Variants in COL11A1 observed in about 807,000 individuals in gnomAD.
The protein encoded by COL11A1 is collagen type XI alpha 1 chain.
COL11A1 carries 74 observed loss-of-function variants against 265.2 expected under a neutral mutation model. The observed-to-expected ratio is 0.28, with a 90% CI of 0.23 to 0.34. The LOEUF (loss-of-function observed/expected upper bound fraction) is 0.34, where lower values mean the gene tolerates loss of function less well. Among genes scored for constraint, COL11A1 ranks in the 10% least tolerant of loss-of-function variants. The pLI is 1.00. For missense variants in COL11A1, 2,165 were observed against 2,263.6 expected (o/e 0.96, Z 0.88); for synonymous variants, 816 against 727.6 (o/e 1.12, Z -1.96).
chr1:102,916,064 C>T (rs1205403874), intron 49 of COL11A1, among the ~76,000 whole-genome samples: 1 of 152,034 alleles, frequency 6.6e-6, no homozygotes, highest in African/African-American at 2.4e-5. Context: ...TTGTTGTTTG[C>T]TAAAATGTAA....
chr1:102,942,161 C>T lies in COL11A1; in HGVS notation c.3277-1727G>A, dbSNP rs187384472. 8.5e-5 allele frequency among the ~76,000 whole-genome samples: 13 copies of T among 152,268 alleles called. No homozygotes were observed. The East Asian group carries it at 2.5e-3, about 29-fold the overall frequency. Reference sequence around the variant, plus strand: ...ATCAATACTCATAGGATGTGCTGTGCTATTCACAGTAAACTTCACTATATT... The same window carrying T: ...ATCAATACTCATAGGATGTGCTGTGTTATTCACAGTAAACTTCACTATATT... On this transcript the variant is annotated intron_variant, in intron 42 of 66. Coordinates refer to ENST00000370096, the MANE Select transcript of COL11A1 (RefSeq NM_001854.4).
chr1:102,884,449 C>G (rs1476260437), intron 63 of COL11A1: 2 of 152,226 alleles, frequency 1.3e-5, no homozygotes, highest in African/African-American at 4.8e-5. Flanking sequence ...GAATGGCAGT[C>G]TTCCTGTTCC....
rs141446766 is a variant in COL11A1 at position 102,922,621 on chromosome 1, G to C, written c.3654+715C>G. Among the ~76,000 whole-genome samples, 782 of 152,164 alleles carry C rather than the reference G, an allele frequency of 5.1e-3. 41 individuals carry two copies. In the East Asian group the frequency reaches 0.12, roughly 23 times the overall value. On this transcript the variant is annotated intron_variant, in intron 47 of 66. Coordinates refer to ENST00000370096, the MANE Select transcript of COL11A1 (RefSeq NM_001854.4). ...TCACCGTGTTAGCCAGGATGGTCTC[G>C]ATCTCCTGACATCGTGATCCGCCCG...
rs770853525 is a variant in COL11A1, at chr1:102,956,332, G to T, written c.3168+5534C>A. Among the ~76,000 whole-genome samples, 116 of 151,954 alleles carry T rather than the reference G, an allele frequency of 7.6e-4. 1 individual carries two copies. The highest frequency in any genetic ancestry group is 1.2e-3 in the Non-Finnish European group (80 of 67,962). On this transcript the variant is annotated intron_variant, in intron 41 of 66. Transcript: ENST00000370096. Reference sequence around the variant, plus strand: ...TATTATTTACTATGTTATTTTATCTGCTCTTTGTCCTCCTCAGTAAACCAT... The same window carrying T: ...TATTATTTACTATGTTATTTTATCTTCTCTTTGTCCTCCTCAGTAAACCAT...
chr1:103,048,656 G>T (rs1021296522), intron 4 of COL11A1, among the ~76,000 whole-genome samples: 1 of 152,026 alleles, frequency 6.6e-6, no homozygotes, highest in Non-Finnish European at 1.5e-5. Flanking sequence ...GAATGTGTTT[G>T]CTCTTGCTTC....
intron 38 of COL11A1, among the ~76,000 whole-genome samples, chr1:102,963,999 G>A (rs986030283): frequency 6.6e-6 from 1 of 151,958 alleles, no homozygotes; most frequent in African/African-American, 2.4e-5. Flanking sequence ...ATAGGCTGTT[G>A]GTTTTTTTTC....
chr1:102,947,549 T>C (rs1385504759), intron 41 of COL11A1, among the ~76,000 whole-genome samples: 8 of 152,252 alleles, frequency 5.3e-5, no homozygotes, highest in Admixed American at 1.3e-4. Context: ...TAGAGTTCTA[T>C]AGGACCACTG....
At chr1:103,013,621 G>A (rs1666308650) in intron 13 of COL11A1, among the ~76,000 whole-genome samples, 1 of 151,782 alleles carries the variant, frequency 6.6e-6, no homozygotes, top group African/African-American at 2.4e-5. Flanking sequence ...ACTTAGGAAA[G>A]ACATAAACAA....
chr1:102,945,741 C>G (rs1232924905), intron 42 of COL11A1, among the ~76,000 whole-genome samples: 1 of 151,522 alleles, frequency 6.6e-6, no homozygotes, highest in Admixed American at 6.6e-5. Context: ...ATATCAAAAG[C>G]AGGAAAAAAA....
At chr1:103,047,082 G>A (rs912991554) in intron 4 of COL11A1, among the ~76,000 whole-genome samples, 22 of 152,112 alleles carry the variant, frequency 1.4e-4, no homozygotes, top group African/African-American at 5.1e-4. Flanking sequence ...TTGACTTGGT[G>A]ATGCGGGCTC....
intron 13 of COL11A1, among the ~76,000 whole-genome samples, chr1:103,013,895 A>G (rs1260432696): frequency 6.6e-6 from 1 of 151,990 alleles, no homozygotes; most frequent in Non-Finnish European, 1.5e-5. Flanking sequence ...TCTAATTTCA[A>G]TGAAACTAAT....
intron 20 of COL11A1, among the ~76,000 whole-genome samples, chr1:103,003,744 A>G (rs1346232692): frequency 6.6e-6 from 1 of 152,196 alleles, no homozygotes; most frequent in Non-Finnish European, 1.5e-5. Context: ...TGCAGATTAC[A>G]GAAACCATTT....
chr1:103,078,622 G>T, intron 3 of COL11A1, 36 bp downstream of exon 3: 1 of 1,568,074 alleles, frequency 6.4e-7, no homozygotes, highest in Non-Finnish European at 8.8e-7. Context: ...AAATGATTTT[G>T]GCATAGCTAA....
At chr1:103,097,428 A>G (rs2102400500) in intron 1 of COL11A1, among the ~76,000 whole-genome samples, 1 of 152,026 alleles carries the variant, frequency 6.6e-6, no homozygotes, top group Middle Eastern at 3.4e-3. Flanking sequence ...TCTTCACTTT[A>G]GTTAATTAAT....
At chr1:102,980,485 C>T (rs1282546129) in intron 31 of COL11A1, among the ~76,000 whole-genome samples, 3 of 151,784 alleles carry the variant, frequency 2.0e-5, no homozygotes, top group Admixed American at 6.6e-5. Context: ...ATTATGAGAC[C>T]CTGAAAAGGA....
At position 102,928,725 on chromosome 1, in the gene COL11A1, T is replaced by C. The variant is rs568195274; in HGVS notation, c.3601-5336A>G. Reference sequence around the variant, plus strand: ...CAGTCCCACCAACAGTGTAAAAGTGTTCCTATTTCTCCACATCCTCTCCAG... The same window carrying C: ...CAGTCCCACCAACAGTGTAAAAGTGCTCCTATTTCTCCACATCCTCTCCAG... On this transcript the variant is annotated intron_variant, in intron 46 of 66. Coordinates refer to ENST00000370096, the MANE Select transcript of COL11A1 (RefSeq NM_001854.4). 4.1e-3 allele frequency among the ~76,000 whole-genome samples: 591 copies of C among 144,572 alleles called. 2 individuals are homozygous for C. The highest frequency in any genetic ancestry group is 0.014 in the African/African-American group (541 of 39,446). 94.8% of individuals were successfully genotyped at this position (144,572 alleles called of 152,430 possible).
chr1:102,925,547 G>C (rs754297833), intron 46 of COL11A1, among the ~76,000 whole-genome samples: 1 of 151,986 alleles, frequency 6.6e-6, no homozygotes, highest in Non-Finnish European at 1.5e-5. Flanking sequence ...TCTAAGAAAA[G>C]AGACTGCTAT....
Position 103,107,961 on chromosome 1 carries a change from C to CTT in COL11A1, c.106+110_106+111dup, listed in dbSNP as rs573192714. 0.011 allele frequency: 8,050 copies of CTT among 706,280 alleles called. 429 individuals carry two copies. In the African/African-American group the frequency reaches 0.13, roughly 12 times the overall value. The allele number at this position is 706,280 out of a possible 1,614,324, so 43.8% of individuals were successfully genotyped here. On this transcript the variant is annotated intron_variant, in intron 1 of 66. Transcript: ENST00000370096. ...ATCTGGATTGTATTTAAGGGAATTG[C>CTT]TTTTTTTTTTTTTTCTTGAAGAGCG...
intron 41 of COL11A1, among the ~76,000 whole-genome samples, chr1:102,955,045 A>T (rs1660239474): frequency 6.6e-6 from 1 of 152,118 alleles, no homozygotes; most frequent in Admixed American, 6.6e-5. Context: ...CCCCATCACT[A>T]TTGCTACATT....
Sources: gnomAD v4.1 joint callset for allele counts (sites outside exome capture counted in the v4.1 genomes callset) on GRCh38, gnomAD v4.1.1 for gene constraint, MANE v1.5 for transcripts, NCBI Gene and HGNC (gene_info 2026-07-23, HGNC 2026-07-21) for gene names.